The following NR4A3 variants were observed in gnomAD, a reference collection of about 807,000 sequenced individuals.
NR4A3 encodes the protein chondrosarcoma, extraskeletal myxoid, fused to EWS.
NR4A3 carries 13 observed loss-of-function variants against 55.6 expected under a neutral mutation model. The observed-to-expected ratio is 0.23, with a 90% CI of 0.15 to 0.37. NR4A3 has a LOEUF of 0.37. NR4A3 is among the 10% of genes least tolerant of loss of function. The probability of loss-of-function intolerance (pLI) is 1.00; values close to 1 mark genes in which losing one functional copy is unlikely to be tolerated. For missense variants in NR4A3, 646 were observed against 822.8 expected, an observed-to-expected ratio of 0.79 and a Z score of 2.63; for synonymous variants, 342 against 357.9, an observed-to-expected ratio of 0.96 and a Z score of 0.50.
chr9:99,864,003 TC>T lies in NR4A3; in HGVS notation c.*137del. The T allele has an allele frequency of 9.8e-7, 1 of 1,019,090 alleles. No homozygotes were observed. The highest frequency in any genetic ancestry group is 1.7e-5 in the South Asian group (1 of 59,478). 63.1% of individuals were successfully genotyped at this position (1,019,090 alleles called of 1,614,324 possible). A position where few individuals can be genotyped will look rare whatever the true frequency, so the allele number is the denominator to read the frequency against. The stretch of plus-strand genomic sequence containing the variant: ...CAGCTCCTGTAGAAAGCAAAGACTT[TC>T]TTTTTTTTCTGGCTCTTTTCCTTAC... On this transcript the variant is annotated 3_prime_UTR_variant, in exon 8 of 8. Coordinates refer to ENST00000395097, the MANE Select transcript of NR4A3 (RefSeq NM_006981.4).
Position 99,833,219 on chromosome 9 carries a change from C to A in NR4A3, c.1082-63C>A, listed in dbSNP as rs375392602. On this transcript the variant is annotated intron_variant, in intron 4 of 7. Transcript: ENST00000395097. ...TGTAATGTGTTTTTATTCCTTTTTG[C>A]GATTTATGGTCGTTCATTCCATAAT... 5 of 1,519,502 alleles carry A rather than the reference C, an allele frequency of 3.3e-6. No individual in the cohort carries two copies. The African/African-American group carries it at 5.6e-5, about 17-fold the overall frequency. 94.1% of individuals were successfully genotyped at this position (1,519,502 alleles called of 1,614,324 possible). A position where few individuals can be genotyped will look rare whatever the true frequency, so the allele number is the denominator to read the frequency against.
chr9:99,849,190 G>A (rs1402247898), intron 7 of NR4A3, among the ~76,000 whole-genome samples: 1 of 152,198 alleles, frequency 6.6e-6, no homozygotes, highest in African/African-American at 2.4e-5. Context: ...AAGGTTAGAT[G>A]TGTCTGTGCC....
chr9:99,832,591 G>A (rs1304118316), intron 3 of NR4A3, 98 bp from the exon 4 acceptor site: 7 of 1,031,168 alleles, frequency 6.8e-6, no homozygotes, highest in Non-Finnish European at 9.4e-6. Flanking sequence ...TATACGAATT[G>A]CACTGTCGCT....
chr9:99,863,271 T>C (rs1413227604), intron 7 of NR4A3, among the ~76,000 whole-genome samples: 4 of 152,188 alleles, frequency 2.6e-5, no homozygotes, highest in Middle Eastern at 3.2e-3. Flanking sequence ...ATTCATTCCA[T>C]GTGGCTGTGT....
intron 5 of NR4A3, chr9:99,833,661 C>T: frequency 3.1e-6 from 5 of 1,587,958 alleles, no homozygotes; most frequent in Non-Finnish European, 4.3e-6. Flanking sequence ...AATGCCTTAA[C>T]AAGTGACCCT....
intron 5 of NR4A3, chr9:99,833,737 CACAG>C (rs1256751622): frequency 6.6e-5 from 96 of 1,451,878 alleles, no homozygotes; most frequent in Admixed American, 5.3e-4. Flanking sequence ...TGAAAATCTG[CACAG>C]ACAAACTACA....
chr9:99,860,214 G>GTTT (rs11370881), intron 7 of NR4A3, among the ~76,000 whole-genome samples: 2 of 148,234 alleles, frequency 1.3e-5, no homozygotes, highest in South Asian at 2.1e-4. Context: ...TGTTGTAAAC[G>GTTT]TTTTTTTTTT....
At position 99,832,897 on chromosome 9, in the gene NR4A3, G is replaced by T. The variant is rs1827474740; in HGVS notation, c.1081+79G>T. On this transcript the variant is annotated intron_variant, in intron 4 of 7. Transcript: ENST00000395097. ...GTGAAAAAAAGCTAATATTTACATTGGGATGGTGAATTTTTCTAGTTCCTT... is the reference window on the plus strand; with the variant it reads ...GTGAAAAAAAGCTAATATTTACATTTGGATGGTGAATTTTTCTAGTTCCTT... 4 of 1,271,526 alleles carry T rather than the reference G, an allele frequency of 3.1e-6. No individual in the cohort carries two copies. The Admixed American group carries it at 8.0e-5, about 25-fold the overall frequency. The allele number at this position is 1,271,526 out of a possible 1,614,324, so 78.8% of individuals were successfully genotyped here.
intron 5 of NR4A3, among the ~76,000 whole-genome samples, chr9:99,835,285 A>G (rs1827538988): frequency 6.6e-6 from 1 of 152,254 alleles, no homozygotes; most frequent in African/African-American, 2.4e-5. Flanking sequence ...AGATAAGGAA[A>G]TTTAAACTGG....
intron 7 of NR4A3, among the ~76,000 whole-genome samples, chr9:99,848,260 T>C (rs868442549): frequency 7.9e-5 from 12 of 152,288 alleles, no homozygotes; most frequent in Middle Eastern, 6.8e-3. Context: ...CAAATACAAC[T>C]TGATTTAATA....
intron 3 of NR4A3, among the ~76,000 whole-genome samples, chr9:99,829,447 C>T (rs991949164): frequency 1.2e-4 from 19 of 152,186 alleles, no homozygotes; most frequent in African/African-American, 4.6e-4. Context: ...GAATTCTGGC[C>T]ACTCACTAGC....
intron 7 of NR4A3, among the ~76,000 whole-genome samples, chr9:99,860,265 T>C (rs1564040375): frequency 6.6e-6 from 1 of 152,124 alleles, no homozygotes; most frequent in Non-Finnish European, 1.5e-5. Flanking sequence ...CTGTTTGATG[T>C]CTTCAGAATC....
rs1827469873 is a variant in NR4A3 at position 99,832,716 on chromosome 9, G to A, written c.979G>A (p.Val327Ile). ...AACAGTGCAGAAAAATGCAAAATAT[G>A]TTTGCCTGGCAAATAAAAACTGCCC... ...KRTVQKNAKY[V>I]CLANKNCPVD... is the part of the protein sequence containing the mutation. The change falls in exon 4 of 8, where the codon GTT becomes ATT. Residue 327 changes from valine (V) to isoleucine (I), a missense_variant. Transcript: ENST00000395097. 1.2e-6 allele frequency: 2 copies of A among 1,608,892 alleles called. No individual in the cohort carries two copies. The highest frequency in any genetic ancestry group is 1.7e-6 in the Non-Finnish European group (2 of 1,176,512).
Position 99,832,790 on chromosome 9 carries a change from G to A in NR4A3, c.1053G>A (p.Lys351=), listed in dbSNP as rs1225841818. The A allele has an allele frequency of 6.3e-7, 1 of 1,598,002 alleles. No individual in the cohort carries two copies. The highest frequency in any genetic ancestry group is 1.7e-5 in the Admixed American group (1 of 59,346). ...GATGTCAGTACTGTCGATTTCAGAA[G>A]TGTCTCAGTGTTGGAATGGTAAAAG... The part of the protein sequence containing the change: ...RNRCQYCRFQ[K]CLSVGMVKEV... The change falls in exon 4 of 8, where the codon AAG becomes AAA. Residue 351 remains lysine, a synonymous_variant. Coordinates refer to ENST00000395097, the MANE Select transcript of NR4A3 (RefSeq NM_006981.4).
Position 99,862,582 on chromosome 9 carries a change from A to G in NR4A3, c.1634-1038A>G, listed in dbSNP as rs541525539. Among the ~76,000 whole-genome samples the G allele has an allele frequency of 4.8e-3, 556 of 116,068 alleles. 4 individuals are homozygous for G. The highest frequency in any genetic ancestry group is 0.017 in the African/African-American group (399 of 23,936). The allele number at this position is 116,068 out of a possible 152,430, so 76.1% of individuals were successfully genotyped here. ...AAAAAAAAAAAAAAAAAAAAAAAAA[A>G]AGAGAGAGAAATGAGGCTCTGAAGT... On this transcript the variant is annotated intron_variant, in intron 7 of 7. Transcript: ENST00000395097.
intron 5 of NR4A3, among the ~76,000 whole-genome samples, chr9:99,836,236 A>G (rs549416453): frequency 1.3e-5 from 2 of 151,350 alleles, no homozygotes; most frequent in South Asian, 4.1e-4. Context: ...AACCATCACA[A>G]AGAAAGTTAA....
chr9:99,826,431 A>T (rs945398349), intron 2 of NR4A3, among the ~76,000 whole-genome samples: 3 of 152,250 alleles, frequency 2.0e-5, no homozygotes, highest in African/African-American at 7.2e-5. Flanking sequence ...AATCCCAGCA[A>T]GCTCATCTTC....
intron 7 of NR4A3, among the ~76,000 whole-genome samples, chr9:99,862,549 C>CAAAAAAAAAAAAAAAAAAAAAAAAA (rs59274273): frequency 6.0e-4 from 44 of 72,804 alleles, no homozygotes; most frequent in Non-Finnish European, 6.7e-4. Context: ...GACTCTGTCT[C>CAAAAAAAAAAAAAAAAAAAAAAAAA]AAAAAAAAAA....
At chr9:99,841,040 G>T (rs563746089) in intron 5 of NR4A3, among the ~76,000 whole-genome samples, 77 of 152,186 alleles carry the variant, frequency 5.1e-4, no homozygotes, top group Non-Finnish European at 6.6e-4. Context: ...AGACCATCCT[G>T]TCCAACATGG....
Sources: allele counts gnomAD v4.1 joint callset (sites outside exome capture counted in the v4.1 genomes callset), GRCh38; gene constraint gnomAD v4.1.1; transcripts MANE v1.5; gene names NCBI Gene and HGNC (gene_info 2026-07-23, HGNC 2026-07-21).